SEPTIN2: variants seen among roughly 807,000 people sequenced by gnomAD.
The protein encoded by SEPTIN2 is septin-2.
SEPTIN2 carries 34 observed loss-of-function variants against 46.5 expected under a neutral mutation model. The ratio of observed to expected loss-of-function variants is 0.73; its 90% CI spans 0.56 to 0.97. The LOEUF is 0.97. Among genes scored for constraint, SEPTIN2 ranks in the 50% least tolerant of loss-of-function variants. SEPTIN2 has a pLI of 0.00. For synonymous variants in SEPTIN2, 175 were observed against 153.4 expected, an observed-to-expected ratio of 1.14 and a Z score of -1.04; for missense variants, 347 against 448.4, an observed-to-expected ratio of 0.77 and a Z score of 2.04.
At chr2:241,334,721 T>C (rs1296244253) in intron 3 of SEPTIN2, among the ~76,000 whole-genome samples, 1 of 152,238 alleles carries the variant, frequency 6.6e-6, no homozygotes, top group African/African-American at 2.4e-5. Flanking sequence ...GGGATAGATA[T>C]GTTCAGTTTT....
intron 7 of SEPTIN2, among the ~76,000 whole-genome samples, chr2:241,338,234 C>T (rs1338330050): frequency 6.6e-5 from 10 of 152,132 alleles, no homozygotes; most frequent in Non-Finnish European, 1.2e-4. Flanking sequence ...CTCTCACCCG[C>T]CAGCAGCTCC....
chr2:241,319,510 T>G (rs1004000109), intron 1 of SEPTIN2, among the ~76,000 whole-genome samples: 2 of 152,294 alleles, frequency 1.3e-5, no homozygotes, highest in Admixed American at 1.3e-4. Flanking sequence ...GGTTGTAATT[T>G]AAATAGATTT....
intron 1 of SEPTIN2, among the ~76,000 whole-genome samples, chr2:241,320,021 T>G (rs898220545): frequency 6.7e-6 from 1 of 148,620 alleles, no homozygotes. Flanking sequence ...ATGCTTTTGA[T>G]ACATTCCTGG....
intron 5 of SEPTIN2, 83 bp from the exon 6 acceptor site, chr2:241,337,299 C>A: frequency 8.6e-7 from 1 of 1,161,494 alleles, no homozygotes; most frequent in Non-Finnish European, 1.2e-6. Flanking sequence ...TATATTTGGG[C>A]GGAGGCACTT....
In SEPTIN2 at chr2:241,326,109, G is replaced by A; in HGVS notation, c.126G>A (p.Val42=). The A allele has an allele frequency of 6.2e-7, 1 of 1,609,988 alleles. No homozygotes were observed. The highest frequency in any genetic ancestry group is 8.5e-7 in the Non-Finnish European group (1 of 1,178,138). The change falls in exon 3 of 13, where the codon GTG becomes GTA. Residue 42 remains valine (V), a synonymous_variant. Coordinates refer to ENST00000391971, the MANE Select transcript of SEPTIN2 (RefSeq NM_004404.5). Reference sequence around the variant, plus strand: ...AAGGTTTTGAGTTCACACTGATGGTGGTCGGTAAGAAATTAATCTATAGTC... The same window carrying A: ...AAGGTTTTGAGTTCACACTGATGGTAGTCGGTAAGAAATTAATCTATAGTC... ...VKKGFEFTLM[V]VGESGLGKST...
At chr2:241,347,397 T>C (rs1196780298) in intron 10 of SEPTIN2, among the ~76,000 whole-genome samples, 2 of 152,184 alleles carry the variant, frequency 1.3e-5, no homozygotes, top group Non-Finnish European at 2.9e-5. Context: ...GCAAGAAAAT[T>C]CCACCCTCTG....
At chr2:241,321,028 T>A (rs2077038298) in intron 1 of SEPTIN2, among the ~76,000 whole-genome samples, 1 of 152,212 alleles carries the variant, frequency 6.6e-6, no homozygotes. Flanking sequence ...CCACCCAATT[T>A]AAGCAGATAA....
intron 12 of SEPTIN2, among the ~76,000 whole-genome samples, chr2:241,350,491 C>T (rs1052537525): frequency 6.6e-6 from 1 of 151,724 alleles, no homozygotes; most frequent in Non-Finnish European, 1.5e-5. Flanking sequence ...CTTGCAAATA[C>T]CAACATTAGA....
At chr2:241,319,322 G>T (rs574241007) in intron 1 of SEPTIN2, among the ~76,000 whole-genome samples, 34 of 152,352 alleles carry the variant, frequency 2.2e-4, no homozygotes, top group Middle Eastern at 3.4e-3. Context: ...CATCCAGGCA[G>T]TGGCATTGAT....
intron 7 of SEPTIN2, among the ~76,000 whole-genome samples, chr2:241,339,585 C>A (rs1257901226): frequency 1.3e-5 from 2 of 152,116 alleles, no homozygotes; most frequent in East Asian, 3.9e-4. Context: ...AGCATTCCAC[C>A]ATATGAATAT....
chr2:241,345,954 A>G (rs948795459), intron 9 of SEPTIN2, among the ~76,000 whole-genome samples: 1 of 152,084 alleles, frequency 6.6e-6, no homozygotes, highest in African/African-American at 2.4e-5. Context: ...CTGTGTTTGT[A>G]TATCATTTAT....
intron 3 of SEPTIN2, 42 bp downstream of exon 3, chr2:241,326,155 T>C (rs1355846386): frequency 1.9e-6 from 3 of 1,571,046 alleles, no homozygotes; most frequent in Non-Finnish European, 2.6e-6. Flanking sequence ...TAAATAAATA[T>C]CTCCCCTTTC....
chr2:241,334,162 C>T (rs1444831076), intron 3 of SEPTIN2, among the ~76,000 whole-genome samples: 2 of 152,178 alleles, frequency 1.3e-5, no homozygotes, highest in Non-Finnish European at 2.9e-5. Flanking sequence ...GTGTGAGCCA[C>T]TATGCCCAGC....
At chr2:241,339,748 A>G (rs1374615627) in intron 7 of SEPTIN2, among the ~76,000 whole-genome samples, 1 of 152,086 alleles carries the variant, frequency 6.6e-6, no homozygotes, top group Admixed American at 6.6e-5. Context: ...GTCTTCCCTC[A>G]GATACCTGTG....
intron 3 of SEPTIN2, among the ~76,000 whole-genome samples, chr2:241,326,938 G>T (rs1309800831): frequency 1.3e-5 from 2 of 151,622 alleles, no homozygotes; most frequent in African/African-American, 2.4e-5. Flanking sequence ...GCCAGGCATG[G>T]TGGCATGTAC....
At chr2:241,319,145 T>G (rs184358802) in intron 1 of SEPTIN2, among the ~76,000 whole-genome samples, 1 of 152,358 alleles carries the variant, frequency 6.6e-6, no homozygotes, top group Admixed American at 6.5e-5. Context: ...TGGATCTTGA[T>G]TCACATGAAA....
chr2:241,327,465 A>G (rs2078182315), intron 3 of SEPTIN2, among the ~76,000 whole-genome samples: 1 of 151,748 alleles, frequency 6.6e-6, no homozygotes, highest in Admixed American at 6.6e-5. Context: ...TACATTGTGA[A>G]CAGTCTAATA....
rs1323297083 is a variant in SEPTIN2, at chr2:241,327,791, C to T, written c.130+1678C>T. On this transcript the variant is annotated intron_variant, in intron 3 of 12. Coordinates refer to ENST00000391971, the MANE Select transcript of SEPTIN2 (RefSeq NM_004404.5). ...TCAGGCCTGGTGTGGTGGCTCATGC[C>T]TGTAATCCTAGCACTTTGGGAGGCC... 2.0e-5 allele frequency among the ~76,000 whole-genome samples: 3 copies of T among 152,162 alleles called. No individual in the cohort carries two copies. In the East Asian group the frequency reaches 5.8e-4, roughly 29 times the overall value.
intron 4 of SEPTIN2, 183 bp downstream of exon 4, chr2:241,335,395 T>G (rs1202546951): frequency 1.2e-5 from 18 of 1,529,410 alleles, no homozygotes; most frequent in Non-Finnish European, 1.6e-5. Context: ...GTTGTAGACT[T>G]TCTTTGACAC....
Sources: gnomAD v4.1 joint callset for allele counts (sites outside exome capture counted in the v4.1 genomes callset) on GRCh38, gnomAD v4.1.1 for gene constraint, MANE v1.5 for transcripts, NCBI Gene and HGNC (gene_info 2026-07-23, HGNC 2026-07-21) for gene names.